KCNIP4: variants seen among roughly 807,000 people sequenced by gnomAD.
KCNIP4 encodes Kv channel-interacting protein 4.
Under a neutral mutation model 34.0 loss-of-function variants are expected in KCNIP4, and 12 were observed. The ratio of observed to expected loss-of-function variants is 0.35; its 90% CI spans 0.23 to 0.57. The LOEUF (loss-of-function observed/expected upper bound fraction) is 0.57. Ranked by LOEUF, KCNIP4 falls within the 20% of genes least tolerant of loss-of-function variation. The pLI is 0.83. For synonymous variants in KCNIP4, 124 were observed against 102.2 expected (o/e 1.21, Z -1.29); for missense variants, 238 against 311.7 (o/e 0.76, Z 1.78).
rs561591362 is a variant in KCNIP4, at chr4:21,854,715, GA to G, written c.61+93855del. Among the ~76,000 whole-genome samples, 639 of 152,250 alleles carry G rather than the reference GA, an allele frequency of 4.2e-3. 6 individuals carry two copies. The highest frequency in any genetic ancestry group is 0.015 in the African/African-American group (616 of 41,554). ...TTGACTCCTAAACCATATTCTAAGC[GA>G]TTGTGTTGAGCCTTGACATCTCTTT... On this transcript the variant is annotated intron_variant, in intron 1 of 8. Transcript: ENST00000382152.
intron 1 of KCNIP4, among the ~76,000 whole-genome samples, chr4:21,669,458 C>T (rs1316047655): frequency 1.3e-5 from 2 of 152,166 alleles, no homozygotes; most frequent in Non-Finnish European, 2.9e-5. Context: ...ATACAACATA[C>T]AATACATGTA....
chr4:21,191,069 C>T (rs1755610262), intron 1 of KCNIP4, among the ~76,000 whole-genome samples: 1 of 152,138 alleles, frequency 6.6e-6, no homozygotes. Context: ...TCCAAGCAAA[C>T]CCTCTTTGCA....
chr4:21,941,237 A>C lies in KCNIP4; in HGVS notation c.61+7334T>G, dbSNP rs1490775905. Among the ~76,000 whole-genome samples the C allele has an allele frequency of 2.0e-5, 3 of 152,172 alleles. No homozygotes were observed. In the East Asian group the frequency reaches 5.8e-4, roughly 29 times the overall value. On this transcript the variant is annotated intron_variant, in intron 1 of 8. Coordinates refer to ENST00000382152, the MANE Select transcript of KCNIP4 (RefSeq NM_025221.6). ...TTTTCTTGTAAAAAACAAAATAATA[A>C]GATTTTCAGACATCTTATCATATGT...
At chr4:20,864,043 C>CACAT (rs557688049) in intron 2 of KCNIP4, among the ~76,000 whole-genome samples, 1,679 of 95,754 alleles carry the variant, frequency 0.018, 30 homozygotes, top group African/African-American at 0.095. Context: ...TGTATGTATA[C>CACAT]GCATGTATGT....
intron 1 of KCNIP4, among the ~76,000 whole-genome samples, chr4:21,221,796 A>C (rs1758000251): frequency 6.6e-6 from 1 of 152,186 alleles, no homozygotes; most frequent in South Asian, 2.1e-4. Context: ...AGAGAATGGA[A>C]AAGGGCTCAG....
At chr4:21,674,441 A>C (rs1027775196) in intron 1 of KCNIP4, among the ~76,000 whole-genome samples, 1 of 152,226 alleles carries the variant, frequency 6.6e-6, no homozygotes, top group Non-Finnish European at 1.5e-5. Flanking sequence ...TTATTTGGGC[A>C]ATTTAGCCCA....
chr4:21,594,007 T>C (rs1742427972), intron 1 of KCNIP4, among the ~76,000 whole-genome samples: 1 of 152,076 alleles, frequency 6.6e-6, no homozygotes, highest in Non-Finnish European at 1.5e-5. Context: ...TTAGTATACC[T>C]TGGGGCCTGC....
intron 1 of KCNIP4, among the ~76,000 whole-genome samples, chr4:21,053,139 G>C (rs770636748): frequency 6.6e-6 from 1 of 152,016 alleles, no homozygotes; most frequent in Non-Finnish European, 1.5e-5. Flanking sequence ...ATATAAATAA[G>C]TGAAAAGATT....
At chr4:21,540,232 G>C (rs1737566766) in intron 1 of KCNIP4, among the ~76,000 whole-genome samples, 1 of 152,016 alleles carries the variant, frequency 6.6e-6, no homozygotes, top group Admixed American at 6.6e-5. Context: ...ATCTTGGGAG[G>C]AGTCTGTTTT....
chr4:20,833,224 A>G (rs562693430), intron 3 of KCNIP4, among the ~76,000 whole-genome samples: 2 of 152,356 alleles, frequency 1.3e-5, no homozygotes, highest in South Asian at 4.1e-4. Flanking sequence ...CATATTAATA[A>G]TATACCTCAT....
At chr4:21,484,229 C>T (rs757429127) in intron 1 of KCNIP4, among the ~76,000 whole-genome samples, 1 of 151,918 alleles carries the variant, frequency 6.6e-6, no homozygotes, top group South Asian at 2.1e-4. Flanking sequence ...GAGTTCAAGA[C>T]CAGCTTGACT....
At chr4:21,323,413 C>T (rs1714705472) in intron 1 of KCNIP4, among the ~76,000 whole-genome samples, 2 of 152,024 alleles carry the variant, frequency 1.3e-5, no homozygotes, top group South Asian at 4.1e-4. Context: ...CTCCCAGCCC[C>T]AGTACCCTTC....
intron 1 of KCNIP4, among the ~76,000 whole-genome samples, chr4:21,519,761 A>ATG (rs1374861716): frequency 4.5e-5 from 6 of 134,464 alleles, no homozygotes; most frequent in South Asian, 5.1e-4. Context: ...GTGTGTATGT[A>ATG]TGTGTGTATA....
chr4:21,780,195 C>G (rs568335695), intron 1 of KCNIP4, among the ~76,000 whole-genome samples: 5 of 125,528 alleles, frequency 4.0e-5, no homozygotes, highest in Non-Finnish European at 9.1e-5. Flanking sequence ...ATTCTGGAAG[C>G]AGGAAATTGT....
chr4:20,992,417 A>T (rs575437191), intron 1 of KCNIP4, among the ~76,000 whole-genome samples: 1 of 152,294 alleles, frequency 6.6e-6, no homozygotes, highest in South Asian at 2.1e-4. Context: ...CCCGCCCTTG[A>T]CATGTGGGGA....
chr4:21,708,118 T>C (rs2109072375), intron 1 of KCNIP4, among the ~76,000 whole-genome samples: 1 of 152,220 alleles, frequency 6.6e-6, no homozygotes, highest in Admixed American at 6.6e-5. Context: ...CTCAGATGCA[T>C]TTTCTCAGCT....
intron 1 of KCNIP4, among the ~76,000 whole-genome samples, chr4:21,821,881 G>A (rs1397076451): frequency 6.6e-6 from 1 of 152,048 alleles, no homozygotes; most frequent in Non-Finnish European, 1.5e-5. Flanking sequence ...AAATAGTGAT[G>A]ACTACTACTT....
chr4:21,480,775 A>T (rs1731354081), intron 1 of KCNIP4, among the ~76,000 whole-genome samples: 1 of 152,236 alleles, frequency 6.6e-6, no homozygotes, highest in Non-Finnish European at 1.5e-5. Flanking sequence ...AACATAAAAG[A>T]AAACCTAAAT....
At chr4:21,583,472 G>A (rs1741389035) in intron 1 of KCNIP4, among the ~76,000 whole-genome samples, 1 of 151,836 alleles carries the variant, frequency 6.6e-6, no homozygotes, top group Admixed American at 6.6e-5. Context: ...CTCAATAAAT[G>A]GTAGCTATTA....
Sources: allele counts gnomAD v4.1 joint callset (sites outside exome capture counted in the v4.1 genomes callset), GRCh38; gene constraint gnomAD v4.1.1; transcripts MANE v1.5; gene names NCBI Gene and HGNC (gene_info 2026-07-23, HGNC 2026-07-21).